The following RFX4 variants were observed in gnomAD, a reference collection of about 807,000 sequenced individuals.
RFX4 encodes regulatory factor X4, also known as transcription factor RFX4.
In RFX4, 10 loss-of-function variants were observed where a neutral mutation model predicts 95.0. The ratio of observed to expected loss-of-function variants is 0.11; its 90% confidence interval spans 0.06 to 0.18. RFX4 has a LOEUF of 0.18. Ranked by LOEUF, RFX4 falls within the 10% of genes least tolerant of loss-of-function variation. RFX4 has a pLI of 1.00. For missense variants in RFX4, 640 were observed against 922.0 expected (o/e 0.69, Z 3.96); for synonymous variants, 321 against 340.7 (o/e 0.94, Z 0.64).
rs190207385 is a variant in RFX4 at position 106,644,603 on chromosome 12, G to A, written c.191+5211G>A. ...TTTGCCATTACAAGTAGGGCCTCAC[G>A]GAACATCTTCGTGTGTGCCCCCTTG... On this transcript the variant is annotated intron_variant, in intron 3 of 17. Transcript: ENST00000392842. 4.3e-3 allele frequency among the ~76,000 whole-genome samples: 647 copies of A among 152,206 alleles called. 3 individuals are homozygous for A. Among genetic ancestry groups the A allele is most frequent in the African/African-American group, 0.014 (601 of 41,530 alleles).
chr12:106,692,234 G>A (rs1383633683), intron 7 of RFX4, among the ~76,000 whole-genome samples: 1 of 152,022 alleles, frequency 6.6e-6, no homozygotes, highest in Admixed American at 6.6e-5. Context: ...ACAATAAGCT[G>A]TAAAGTTCAG....
intron 10 of RFX4, among the ~76,000 whole-genome samples, chr12:106,713,015 C>A (rs186882210): frequency 1.3e-5 from 2 of 152,290 alleles, no homozygotes; most frequent in South Asian, 4.1e-4. Flanking sequence ...CGCACACACA[C>A]GTTCCCTCTC....
At chr12:106,749,680 A>G (rs1265630484) in intron 16 of RFX4, among the ~76,000 whole-genome samples, 1 of 152,212 alleles carries the variant, frequency 6.6e-6, no homozygotes, top group South Asian at 2.1e-4. Flanking sequence ...ATAATAGGCT[A>G]TGTCTACACA....
chr12:106,600,860 AG>A (rs908240953), intron 1 of RFX4, among the ~76,000 whole-genome samples: 3 of 151,990 alleles, frequency 2.0e-5, no homozygotes, highest in African/African-American at 7.2e-5. Flanking sequence ...CTGCCCAAAA[AG>A]CACCCCCACC....
Position 106,618,096 on chromosome 12 carries a change from G to A in RFX4, c.130+9213G>A, listed in dbSNP as rs180729043. On this transcript the variant is annotated intron_variant, in intron 2 of 17. Coordinates refer to ENST00000392842, the MANE Select transcript of RFX4 (RefSeq NM_213594.3). ...ATGCCCATGTGCACTTGAGGAGAAT[G>A]AGTATTTTGCATTTTGAATGTACAT... Among the ~76,000 whole-genome samples the A allele has an allele frequency of 6.6e-5, 10 of 152,240 alleles. No individual in the cohort carries two copies. The East Asian group carries it at 1.9e-3, about 29-fold the overall frequency.
At chr12:106,590,269 G>A (rs2039519270) in intron 1 of RFX4, among the ~76,000 whole-genome samples, 1 of 152,226 alleles carries the variant, frequency 6.6e-6, no homozygotes. Flanking sequence ...TAGTGAATAT[G>A]AAATATGAAA....
At chr12:106,668,005 C>G (rs11113078) in intron 4 of RFX4, among the ~76,000 whole-genome samples, 1 of 152,018 alleles carries the variant, frequency 6.6e-6, no homozygotes, top group Non-Finnish European at 1.5e-5. Context: ...TGAGTTATTA[C>G]AAAAATTGGG....
At chr12:106,753,380 C>T (rs1267779669) in intron 17 of RFX4, among the ~76,000 whole-genome samples, 1 of 152,106 alleles carries the variant, frequency 6.6e-6, no homozygotes, top group African/African-American at 2.4e-5. Context: ...CCTGAAAGTA[C>T]CACCTTGAGT....
At chr12:106,694,910 A>G (rs939430841) in intron 7 of RFX4, among the ~76,000 whole-genome samples, 2 of 152,036 alleles carry the variant, frequency 1.3e-5, no homozygotes, top group African/African-American at 4.8e-5. Flanking sequence ...GGTGGCACAC[A>G]CCTAGAATCC....
rs1465500202 is a variant in RFX4, at chr12:106,739,043, T to C, written c.1633+5958T>C. On this transcript the variant is annotated intron_variant, in intron 15 of 17. Coordinates refer to ENST00000392842, the MANE Select transcript of RFX4 (RefSeq NM_213594.3). ...TATTTTAAAATTATCGCTTGACTTA[T>C]ATATCCCATCTACTTTCCAAAAAGT... 2.0e-5 allele frequency among the ~76,000 whole-genome samples: 3 copies of C among 152,024 alleles called. No homozygotes were observed. In the East Asian group the frequency reaches 5.8e-4, roughly 29 times the overall value.
chr12:106,731,320 A>C (rs944914248), intron 13 of RFX4, among the ~76,000 whole-genome samples: 2 of 152,222 alleles, frequency 1.3e-5, no homozygotes, highest in Non-Finnish European at 1.5e-5. Flanking sequence ...TTATCTATTA[A>C]TCGTGTCATC....
chr12:106,659,968 C>T (rs1251562088), intron 4 of RFX4, among the ~76,000 whole-genome samples: 3 of 152,102 alleles, frequency 2.0e-5, no homozygotes, highest in Non-Finnish European at 4.4e-5. Context: ...AAGTCTCAGC[C>T]TCTGTGTATC....
intron 1 of RFX4, among the ~76,000 whole-genome samples, chr12:106,592,461 G>A (rs1373124136): frequency 1.3e-5 from 2 of 152,156 alleles, no homozygotes; most frequent in African/African-American, 4.8e-5. Flanking sequence ...ACACCTGTGG[G>A]CTTGAATTTA....
intron 1 of RFX4, among the ~76,000 whole-genome samples, chr12:106,584,585 C>T (rs903743184): frequency 5.9e-5 from 9 of 152,192 alleles, no homozygotes; most frequent in Admixed American, 1.3e-4. Context: ...ACGAATGTCT[C>T]CCCAACTCCA....
chr12:106,684,725 T>A, intron 5 of RFX4: 1 of 1,508,362 alleles, frequency 6.6e-7, no homozygotes, highest in Non-Finnish European at 8.9e-7. Context: ...AAGGCAGTTA[T>A]GACAGTTGAG....
intron 6 of RFX4, 85 bp downstream of exon 6, chr12:106,687,182 TCACACACA>T (rs56006444): frequency 0.037 from 19,917 of 544,452 alleles, 424 homozygotes; most frequent in African/African-American, 0.13. Context: ...TCTCTCTCTC[TCACACACA>T]CACACACACA....
At chr12:106,652,813 C>T (rs1161453925) in intron 3 of RFX4, among the ~76,000 whole-genome samples, 1 of 152,198 alleles carries the variant, frequency 6.6e-6, no homozygotes, top group Admixed American at 6.5e-5. Context: ...GGGCCGTGTC[C>T]TCATTCCACT....
chr12:106,595,333 C>T (rs552372526), intron 1 of RFX4, among the ~76,000 whole-genome samples: 1 of 152,350 alleles, frequency 6.6e-6, no homozygotes, highest in South Asian at 2.1e-4. Context: ...TTCACCTCCT[C>T]TACTGCATAA....
chr12:106,732,703 A>C (rs1296910408), intron 14 of RFX4, among the ~76,000 whole-genome samples: 2 of 151,610 alleles, frequency 1.3e-5, no homozygotes, highest in Non-Finnish European at 2.9e-5. Flanking sequence ...CCATCTCAAA[A>C]TAAGTAAATA....
Sources: gnomAD v4.1 joint callset for allele counts (sites outside exome capture counted in the v4.1 genomes callset) on GRCh38, gnomAD v4.1.1 for gene constraint, MANE v1.5 for transcripts, NCBI Gene and HGNC (gene_info 2026-07-23, HGNC 2026-07-21) for gene names.